The following XPO4 variants were observed in gnomAD, a reference collection of about 807,000 sequenced individuals.
XPO4 encodes the protein exportin-4.
XPO4 carries 39 observed loss-of-function variants against 143.0 expected under a neutral mutation model. The ratio of observed to expected loss-of-function variants is 0.27; its 90% confidence interval spans 0.21 to 0.36. The LOEUF is 0.36. XPO4 is among the 10% of genes least tolerant of loss of function. The probability of loss-of-function intolerance (pLI) is 1.00; values close to 1 mark genes in which losing one functional copy is unlikely to be tolerated. For missense variants in XPO4, 907 were observed against 1,348.0 expected, an observed-to-expected ratio of 0.67 and a Z score of 5.12; for synonymous variants, 439 against 474.0, an observed-to-expected ratio of 0.93 and a Z score of 0.96.
At position 20,782,324 on chromosome 13, in the gene XPO4, G is replaced by T. The variant is rs2059152053; in HGVS notation, c.*1398C>A. On this transcript the variant is annotated 3_prime_UTR_variant, in exon 23 of 23. Transcript: ENST00000255305. ...AGTCCTCTACCTGTCACTGTGCTGT[G>T]AAAGTACTGCAATGAGTGGAGTTTC... The T allele has an allele frequency of 6.6e-6, 1 of 152,242 alleles. No homozygotes were observed. The highest frequency in any genetic ancestry group is 1.9e-4 in the East Asian group (1 of 5,198). 9.4% of individuals were successfully genotyped at this position (152,242 alleles called of 1,614,324 possible). A position where few individuals can be genotyped will look rare whatever the true frequency, so the allele number is the denominator to read the frequency against.
chr13:20,796,023 T>C, intron 18 of XPO4, 53 bp downstream of exon 18: 1 of 1,499,592 alleles, frequency 6.7e-7, no homozygotes, highest in Non-Finnish European at 9.0e-7. Flanking sequence ...TCCTTTGATT[T>C]AATAAAAAGG....
At position 20,819,043 on chromosome 13, in the gene XPO4, G is replaced by A. The variant is rs543679933; in HGVS notation, c.1173+2661C>T. ...TTGCCATGTTTGGCAGGCTGGTCTC[G>A]AACTCCTGACCTCAGGCAATCCGCC... On this transcript the variant is annotated intron_variant, in intron 9 of 22. Coordinates refer to ENST00000255305, the MANE Select transcript of XPO4 (RefSeq NM_022459.5). Among the ~76,000 whole-genome samples, 567 of 152,152 alleles carry A rather than the reference G, an allele frequency of 3.7e-3. 5 individuals carry two copies. The highest frequency in any genetic ancestry group is 0.013 in the African/African-American group (543 of 41,502).
At chr13:20,867,068 A>G (rs2060250494) in intron 2 of XPO4, among the ~76,000 whole-genome samples, 1 of 152,230 alleles carries the variant, frequency 6.6e-6, no homozygotes. Context: ...GTAAGGATGA[A>G]TTAATGCTTC....
intron 1 of XPO4, among the ~76,000 whole-genome samples, chr13:20,884,411 G>A (rs1041445899): frequency 3.3e-5 from 5 of 151,892 alleles, no homozygotes; most frequent in South Asian, 2.1e-4. Flanking sequence ...AATCCGATCC[G>A]ATCCGATCCG....
At chr13:20,852,799 T>C in intron 4 of XPO4, 2 of 985,142 alleles carry the variant, frequency 2.0e-6, no homozygotes, top group Non-Finnish European at 2.4e-6. Context: ...TTTTCACTTT[T>C]TTTATGTAGA....
intron 6 of XPO4, among the ~76,000 whole-genome samples, chr13:20,830,325 A>G (rs1655409186): frequency 6.6e-6 from 1 of 152,178 alleles, no homozygotes; most frequent in Non-Finnish European, 1.5e-5. Context: ...TTTGTTTTCC[A>G]ATTCCAAACC....
intron 1 of XPO4, among the ~76,000 whole-genome samples, chr13:20,894,848 GA>G (rs35478335): frequency 0.46 from 52,610 of 114,738 alleles, 10,610 homozygotes; most frequent in Middle Eastern, 0.6. Context: ...TCATCTCAAA[GA>G]AAAAAAAAAA....
intron 22 of XPO4, 127 bp from the exon 23 acceptor site, chr13:20,784,046 A>C: frequency 1.1e-6 from 1 of 873,530 alleles, no homozygotes; most frequent in South Asian, 1.6e-5. Context: ...ATTTAGAATA[A>C]TTCAGCATTT....
chr13:20,817,274 C>T (rs1186203489), intron 9 of XPO4, among the ~76,000 whole-genome samples: 1 of 152,158 alleles, frequency 6.6e-6, no homozygotes, highest in Admixed American at 6.5e-5. Context: ...GTCACATAAC[C>T]TCACTACAAA....
At chr13:20,880,038 C>G (rs187892943) in intron 1 of XPO4, among the ~76,000 whole-genome samples, 1 of 152,312 alleles carries the variant, frequency 6.6e-6, no homozygotes, top group South Asian at 2.1e-4. Flanking sequence ...TCCATGAGAA[C>G]AGACATATTA....
intron 6 of XPO4, among the ~76,000 whole-genome samples, chr13:20,831,804 A>ATTT (rs34302388): frequency 0.012 from 1,082 of 88,700 alleles, 24 homozygotes; most frequent in Non-Finnish European, 0.016. Context: ...TAGTACAGTG[A>ATTT]TTTTTTTTTT....
In XPO4 at chr13:20,861,777, C is replaced by CTTTTTTTTTTTTTTTT. The variant is rs71200306; in HGVS notation, c.317+924_317+939dup. ...TTAATAGAACCTTGCACATTTCTCT[C>CTTTTTTTTTTTTTTTT]TTTTTTTTTTTTTTTTTTTTTTTTT... On this transcript the variant is annotated intron_variant, in intron 3 of 22. Coordinates refer to ENST00000255305, the MANE Select transcript of XPO4 (RefSeq NM_022459.5). 2.7e-5 allele frequency among the ~76,000 whole-genome samples: 2 copies of CTTTTTTTTTTTTTTTT among 73,394 alleles called. 1 individual carries two copies. The highest frequency in any genetic ancestry group is 5.1e-5 in the Non-Finnish European group (2 of 39,166). 48.1% of individuals were successfully genotyped at this position (73,394 alleles called of 152,430 possible).
chr13:20,805,413 A>C (rs1265677740), intron 13 of XPO4, among the ~76,000 whole-genome samples: 4 of 152,146 alleles, frequency 2.6e-5, no homozygotes, highest in African/African-American at 9.7e-5. Flanking sequence ...CCATCTCCTA[A>C]AAAATTCCAC....
Position 20,778,940 on chromosome 13 carries a change from TA to T in XPO4, c.*4781del, listed in dbSNP as rs1277824067. The T allele has an allele frequency of 1.2e-4, 18 of 152,148 alleles. No homozygotes were observed. Among genetic ancestry groups the T allele is most frequent in the Admixed American group, 1.2e-3 (18 of 15,282 alleles). 9.4% of individuals were successfully genotyped at this position (152,148 alleles called of 1,614,324 possible). A position where few individuals can be genotyped will look rare whatever the true frequency, so the allele number is the denominator to read the frequency against. ...CATTTATGAATTTTAAAAATACAAATAAAATTTTATCAACCTGATATTCAGC... is the reference window on the plus strand; with the variant it reads ...CATTTATGAATTTTAAAAATACAAATAAATTTTATCAACCTGATATTCAGC... On this transcript the variant is annotated 3_prime_UTR_variant, in exon 23 of 23. Transcript: ENST00000255305.
At chr13:20,850,506 G>A (rs184013450) in intron 4 of XPO4, among the ~76,000 whole-genome samples, 6 of 152,316 alleles carry the variant, frequency 3.9e-5, no homozygotes, top group Admixed American at 2.0e-4. Context: ...TTGGCTGGAC[G>A]TGGTGGCTCA....
chr13:20,803,381 T>G lies in XPO4; in HGVS notation c.1818-2391A>C, dbSNP rs1210557278. ...CATGTTCAGAGGTAGAAGTGAAAAC[T>G]TTGGCCTTTCTTTTGTAAAGTGGAA... On this transcript the variant is annotated intron_variant, in intron 13 of 22. Transcript: ENST00000255305. The surrounding 1 kb of genome is among the most constrained non-coding windows in gnomAD (Gnocchi z 4.1). Among the ~76,000 whole-genome samples the G allele has an allele frequency of 6.6e-6, 1 of 152,174 alleles. No homozygotes were observed. Among genetic ancestry groups the G allele is most frequent in the Non-Finnish European group, 1.5e-5 (1 of 68,038 alleles).
At chr13:20,871,446 C>T (rs71426100) in intron 1 of XPO4, among the ~76,000 whole-genome samples, 3 of 152,110 alleles carry the variant, frequency 2.0e-5, no homozygotes, top group African/African-American at 4.8e-5. Context: ...TTGCCTCTTC[C>T]GTAACTGGGA....
intron 4 of XPO4, among the ~76,000 whole-genome samples, chr13:20,853,664 CTAAGAT>C (rs1477688124): frequency 1.3e-5 from 2 of 152,038 alleles, no homozygotes; most frequent in Non-Finnish European, 2.9e-5. Context: ...TTTCACAATA[CTAAGAT>C]TAAGTAAAGG....
chr13:20,798,036 T>C (rs2059381520), intron 16 of XPO4, among the ~76,000 whole-genome samples: 1 of 151,656 alleles, frequency 6.6e-6, no homozygotes, highest in African/African-American at 2.4e-5. Flanking sequence ...CCCACCTACT[T>C]AGGAGGCTGA....
Sources: gnomAD v4.1 joint callset for allele counts (sites outside exome capture counted in the v4.1 genomes callset) on GRCh38, gnomAD v4.1.1 for gene constraint, Gnocchi (gnomAD v3.1) non-coding constraint, MANE v1.5 for transcripts, NCBI Gene and HGNC (gene_info 2026-07-23, HGNC 2026-07-21) for gene names.